Variants in TLCD3B observed in about 807,000 individuals in gnomAD.
TLCD3B encodes ceramide synthase.
TLCD3B carries 9 observed loss-of-function variants against 23.0 expected under a neutral mutation model. The ratio of observed to expected loss-of-function variants is 0.39; its 90% CI spans 0.24 to 0.68. The LOEUF is 0.68. Ranked by LOEUF, TLCD3B falls within the 30% of genes least tolerant of loss-of-function variation. The pLI, the probability that TLCD3B is intolerant of heterozygous loss-of-function variation, is 0.44. For synonymous variants in TLCD3B, 161 were observed against 161.0 expected (o/e 1.00, Z 0.00); for missense variants, 307 against 371.8 (o/e 0.83, Z 1.43).
At chr16:30,048,895 C>T (rs1341973039) in intron 1 of TLCD3B, among the ~76,000 whole-genome samples, 1 of 152,106 alleles carries the variant, frequency 6.6e-6, no homozygotes, top group African/African-American at 2.4e-5. Context: ...CTCAGCCTCC[C>T]AAGTAGCTTG....
At chr16:30,027,875 A>C (rs1390240454) in intron 2 of TLCD3B, 1 of 338,464 alleles carries the variant, frequency 3.0e-6, no homozygotes, top group Non-Finnish European at 5.9e-6. Flanking sequence ...GCCATCACCA[A>C]ACATGAGGCA....
At chr16:30,036,901 A>G (rs1184423593) in intron 3 of TLCD3B, among the ~76,000 whole-genome samples, 1 of 151,772 alleles carries the variant, frequency 6.6e-6, no homozygotes, top group Non-Finnish European at 1.5e-5. Flanking sequence ...ACTGGCTAAC[A>G]TGGGGAAACC....
chr16:30,049,608 C>T (rs2071720736), intron 1 of TLCD3B, among the ~76,000 whole-genome samples: 1 of 152,122 alleles, frequency 6.6e-6, no homozygotes, highest in South Asian at 2.1e-4. Context: ...CTGCCCCCAG[C>T]AAATGTTGTG....
At chr16:30,044,519 C>T (rs1053631046) in intron 2 of TLCD3B, among the ~76,000 whole-genome samples, 11 of 151,956 alleles carry the variant, frequency 7.2e-5, no homozygotes, top group Non-Finnish European at 1.2e-4. Context: ...AACCTGTTGC[C>T]CAGGCTGGTC....
rs1596751173 is a variant in TLCD3B, at chr16:30,030,854, T to G, written c.-327A>C. ...GGAAGAGGGGACAGGAGGAGGAGGA[T>G]GCGGATGGGGGAGGGGAGGGAGCCA... On this transcript the variant is annotated 5_prime_UTR_variant, in exon 1 of 5. Transcript: ENST00000380495. 7 of 767,514 alleles carry G rather than the reference T, an allele frequency of 9.1e-6. No homozygotes were observed. The highest frequency in any genetic ancestry group is 1.6e-4 in the East Asian group (1 of 6,064). 47.5% of individuals were successfully genotyped at this position (767,514 alleles called of 1,614,324 possible).
intron 3 of TLCD3B, chr16:30,036,369 T>C (rs1281915116): frequency 1.6e-6 from 2 of 1,287,198 alleles, no homozygotes; most frequent in African/African-American, 1.5e-5. Context: ...TATATTTACA[T>C]AGATATCATT....
upstream of TLCD3B, among the ~76,000 whole-genome samples, chr16:30,034,277 C>CA (rs546583443): frequency 1.0e-4 from 15 of 146,906 alleles, no homozygotes; most frequent in South Asian, 2.2e-4. Context: ...GACTCTGTCT[C>CA]AAAAAAAAAG....
Position 30,025,151 on chromosome 16 carries a change from G to A in TLCD3B, c.*32C>T. 5.3e-6 allele frequency: 7 copies of A among 1,326,490 alleles called. No homozygotes were observed. Among genetic ancestry groups the A allele is most frequent in the African/African-American group, 1.5e-5 (1 of 66,884 alleles). The allele number at this position is 1,326,490 out of a possible 1,614,324, so 82.2% of individuals were successfully genotyped here. ...AGAGCCCTGTCTCCACGGGGGTGGG[G>A]GTGGGGAGGGGGAGGGTCCCGGCCC... is the stretch of plus-strand genomic sequence containing the variant. On this transcript the variant is annotated 3_prime_UTR_variant, in exon 5 of 5. Coordinates refer to ENST00000380495, the MANE Select transcript of TLCD3B (RefSeq NM_031478.6). This position sits in a 1 kb window ranked among gnomAD's most constrained non-coding sequence, Gnocchi z 4.1.
At chr16:30,036,539 A>G in intron 3 of TLCD3B, 1 of 645,550 alleles carries the variant, frequency 1.5e-6, no homozygotes, top group Non-Finnish European at 2.2e-6. Flanking sequence ...CTGCAAAGGC[A>G]CGAGGCTGCT....
upstream of TLCD3B, among the ~76,000 whole-genome samples, chr16:30,034,178 G>A (rs148639689): frequency 9.5e-4 from 144 of 151,590 alleles, no homozygotes; most frequent in African/African-American, 3.3e-3. Context: ...GAGTCAGCCC[G>A]ATTCTCAGGG....
chr16:30,029,446 G>A lies in TLCD3B; in HGVS notation c.195C>T (p.His65=). The A allele has an allele frequency of 1.9e-6, 3 of 1,613,988 alleles. No homozygotes were observed. Among genetic ancestry groups the A allele is most frequent in the Non-Finnish European group, 2.5e-6 (3 of 1,179,934 alleles). Residue 65 remains histidine, a synonymous_variant, in exon 2 of 5, where the codon CAC becomes CAT. Transcript: ENST00000380495. This position sits in a 1 kb window ranked among gnomAD's most constrained non-coding sequence, Gnocchi z 4.6. ...GCAGCACTTACTGGTCATCAATGAT[G>A]TGCTTGCAGGAGGTGGAGACGATGT... is the stretch of plus-strand genomic sequence containing the variant. ...AGYIVSTSCK[H]IIDDQHWLSS...
intron 1 of TLCD3B, among the ~76,000 whole-genome samples, chr16:30,048,029 C>A (rs1440751567): frequency 6.6e-6 from 1 of 151,808 alleles, no homozygotes; most frequent in Non-Finnish European, 1.5e-5. Context: ...GTAATCCCAG[C>A]TACTTAGGAG....
rs542473095 is a variant in TLCD3B, at chr16:30,025,622, G to A, written c.540+104C>T. Reference sequence around the variant, plus strand: ...AGGTGCTCAAAATGCACGGGGTGAGGGGGGGATGACGAAGGGGCTAGAGCC... The same window carrying A: ...AGGTGCTCAAAATGCACGGGGTGAGAGGGGGATGACGAAGGGGCTAGAGCC... On this transcript the variant is annotated intron_variant, in intron 4 of 4. Coordinates refer to ENST00000380495, the MANE Select transcript of TLCD3B (RefSeq NM_031478.6). This position sits in a 1 kb window ranked among gnomAD's most constrained non-coding sequence, Gnocchi z 4.1. 17 of 1,471,368 alleles carry A rather than the reference G, an allele frequency of 1.2e-5. No individual in the cohort carries two copies. The African/African-American group carries it at 1.4e-4, about 12-fold the overall frequency. The allele number at this position is 1,471,368 out of a possible 1,614,324, so 91.1% of individuals were successfully genotyped here.
intron 1 of TLCD3B, among the ~76,000 whole-genome samples, chr16:30,046,962 C>CA (rs779574403): frequency 2.8e-4 from 42 of 152,264 alleles, no homozygotes; most frequent in Admixed American, 6.5e-4. Flanking sequence ...AATAGTCATT[C>CA]AAAATGTATA....
intron 3 of TLCD3B, chr16:30,036,386 T>G: frequency 7.8e-7 from 1 of 1,286,590 alleles, no homozygotes; most frequent in Non-Finnish European, 1.0e-6. Context: ...CATTTTTGTT[T>G]AGAAAGACCT....
At chr16:30,045,400 G>A (rs1456507617) in intron 2 of TLCD3B, among the ~76,000 whole-genome samples, 2 of 145,230 alleles carry the variant, frequency 1.4e-5, no homozygotes, top group East Asian at 4.2e-4. Flanking sequence ...GGTATGGTGT[G>A]TGTGGTGTGT....
rs771650426 is a variant in TLCD3B at position 30,026,861 on chromosome 16, G to C, written c.210-18C>G. On this transcript the variant is annotated intron_variant, in intron 2 of 4. Coordinates refer to ENST00000380495, the MANE Select transcript of TLCD3B (RefSeq NM_031478.6). ...GCCAGTGTCTGTTGGGCAGAGAGAC[G>C]GGGTGGGGGAGCAAGGAGGAAAGGG... 2 of 1,607,888 alleles carry C rather than the reference G, an allele frequency of 1.2e-6. No homozygotes were observed. Among genetic ancestry groups the C allele is most frequent in the Non-Finnish European group, 1.7e-6 (2 of 1,175,352 alleles).
chr16:30,036,498 G>T, intron 3 of TLCD3B: 2 of 1,058,890 alleles, frequency 1.9e-6, no homozygotes, highest in East Asian at 6.0e-5. Flanking sequence ...TCTTCCAAGG[G>T]ACCTTCTCGG....
chr16:30,042,470 C>T (rs989219765), intron 2 of TLCD3B, among the ~76,000 whole-genome samples: 1 of 152,048 alleles, frequency 6.6e-6, no homozygotes, highest in Non-Finnish European at 1.5e-5. Context: ...GTGATCCACC[C>T]GCTTTGGCCT....
Sources: gnomAD v4.1 joint callset for allele counts (sites outside exome capture counted in the v4.1 genomes callset) on GRCh38, gnomAD v4.1.1 for gene constraint, Gnocchi (gnomAD v3.1) non-coding constraint, MANE v1.5 for transcripts, NCBI Gene and HGNC (gene_info 2026-07-23, HGNC 2026-07-21) for gene names.